Variants in HIVEP3 observed in about 807,000 individuals in gnomAD.
HIVEP3 encodes HIVEP zinc finger 3.
In HIVEP3, 49 loss-of-function variants were observed where a neutral mutation model predicts 152.8. The observed-to-expected ratio is 0.32, with a 90% confidence interval of 0.26 to 0.41. The LOEUF is 0.41. HIVEP3 is among the 10% of genes least tolerant of loss of function. HIVEP3 has a pLI of 1.00. For synonymous variants in HIVEP3, 1,269 were observed against 1,289.0 expected (o/e 0.98, Z 0.33); for missense variants, 2,790 against 3,103.3 (o/e 0.90, Z 2.40).
At chr1:41,666,378 C>G (rs528463138) in intron 2 of HIVEP3, among the ~76,000 whole-genome samples, 1 of 152,168 alleles carries the variant, frequency 6.6e-6, no homozygotes, top group Admixed American at 6.5e-5. Flanking sequence ...CTTGGAGCCA[C>G]ATAGACCTGG....
intron 1 of HIVEP3, among the ~76,000 whole-genome samples, chr1:41,750,376 C>A (rs187930038): frequency 6.6e-6 from 1 of 152,308 alleles, no homozygotes. Flanking sequence ...GACTGGAGTC[C>A]AAAATTCCAT....
At chr1:41,639,335 T>G (rs1250220874) in intron 2 of HIVEP3, among the ~76,000 whole-genome samples, 1 of 152,078 alleles carries the variant, frequency 6.6e-6, no homozygotes, top group African/African-American at 2.4e-5. Flanking sequence ...AGAAGTAGCA[T>G]GGTATAGCAT....
chr1:41,535,064 T>C (rs549043773), intron 5 of HIVEP3, among the ~76,000 whole-genome samples: 138 of 152,246 alleles, frequency 9.1e-4, no homozygotes, highest in Admixed American at 1.6e-3. Flanking sequence ...GTCCCCATTG[T>C]ATAGAAAAGG....
At chr1:41,681,068 A>G (rs1646030852) in intron 2 of HIVEP3, among the ~76,000 whole-genome samples, 1 of 151,384 alleles carries the variant, frequency 6.6e-6, no homozygotes, top group South Asian at 2.1e-4. Context: ...AGCTCTTATC[A>G]TTCCCCAGAA....
chr1:41,883,334 A>G (rs922662589), intron 1 of HIVEP3, among the ~76,000 whole-genome samples: 1 of 152,084 alleles, frequency 6.6e-6, no homozygotes, highest in Non-Finnish European at 1.5e-5. Context: ...CGGCCTGGAC[A>G]ATCAGACTGC....
At chr1:41,787,535 C>CTTTTTTTT (rs200281948) in intron 1 of HIVEP3, among the ~76,000 whole-genome samples, 1 of 122,844 alleles carries the variant, frequency 8.1e-6, no homozygotes, top group Non-Finnish European at 1.7e-5. Context: ...TTCTTTCTTT[C>CTTTTTTTT]TTTTTTTTTT....
At chr1:41,538,282 G>A (rs1643447390) in intron 5 of HIVEP3, among the ~76,000 whole-genome samples, 1 of 152,126 alleles carries the variant, frequency 6.6e-6, no homozygotes, top group East Asian at 1.9e-4. Context: ...TATTGTGACT[G>A]TAGAGAGCCC....
intron 5 of HIVEP3, among the ~76,000 whole-genome samples, chr1:41,549,841 G>C (rs1317078168): frequency 2.0e-5 from 3 of 152,114 alleles, no homozygotes; most frequent in African/African-American, 7.2e-5. Flanking sequence ...TCACTCTGAT[G>C]GTAGTTTCTT....
chr1:41,560,415 GCAGAGTAC>G (rs1644041880), intron 5 of HIVEP3, among the ~76,000 whole-genome samples: 3 of 152,146 alleles, frequency 2.0e-5, no homozygotes, highest in African/African-American at 4.8e-5. Flanking sequence ...GGGGTTGGGG[GCAGAGTAC>G]CAGGCCCTGG....
At chr1:41,929,635 A>G (rs1312950020) in intron 1 of HIVEP3, among the ~76,000 whole-genome samples, 1 of 151,382 alleles carries the variant, frequency 6.6e-6, no homozygotes, top group East Asian at 1.9e-4. Context: ...AGACAGAGCT[A>G]GGAAACATAT....
chr1:41,671,467 C>G (rs1570276176), intron 2 of HIVEP3, among the ~76,000 whole-genome samples: 1 of 152,360 alleles, frequency 6.6e-6, no homozygotes, highest in East Asian at 1.9e-4. Flanking sequence ...CAGATCAGAG[C>G]TGACCAATAG....
At chr1:41,571,822 A>G (rs943694414) in intron 5 of HIVEP3, among the ~76,000 whole-genome samples, 2 of 152,190 alleles carry the variant, frequency 1.3e-5, no homozygotes, top group African/African-American at 4.8e-5. Context: ...CTGAGTTTAA[A>G]CTGGATCCTG....
intron 1 of HIVEP3, among the ~76,000 whole-genome samples, chr1:41,974,486 TACACACACAC>T (rs66882363): frequency 1.5e-5 from 2 of 134,198 alleles, no homozygotes; most frequent in African/African-American, 5.8e-5. Flanking sequence ...CTCCACCCCC[TACACACACAC>T]ACACACACAC....
Position 41,582,378 on chromosome 1 carries a change from T to C in HIVEP3, c.2420A>G (p.Glu807Gly), listed in dbSNP as rs764422733. The C allele has an allele frequency of 8.7e-6, 14 of 1,614,208 alleles. No individual in the cohort carries two copies. Among genetic ancestry groups the C allele is most frequent in the Non-Finnish European group, 1.2e-5 (14 of 1,180,022 alleles). Residue 807 changes from glutamate (E) to glycine (G), a missense_variant, in exon 4 of 9, where the codon GAG (glutamate) becomes GGG (glycine). Around this residue, in one of 9 missense-constraint regions of HIVEP3, gnomAD observed 1,078 missense variants for 1,165.3 expected, o/e 0.93. Transcript: ENST00000372583. The surrounding 1 kb of genome is among the most constrained non-coding windows in gnomAD (Gnocchi z 4.7). ...ISVIQHTSSF[E>G]KSDSLEQPSG... ...CGGCTGCTCGAGAGAATCAGATTTC[T>C]CAAAGGAGCTGGTGTGCTGGATGAC...
intron 1 of HIVEP3, among the ~76,000 whole-genome samples, chr1:41,878,857 C>T (rs1475943221): frequency 6.8e-6 from 1 of 147,852 alleles, no homozygotes; most frequent in African/African-American, 2.5e-5. Flanking sequence ...GCCCTCTCTT[C>T]TTCCCTCCCT....
At chr1:41,942,446 C>A (rs1011024048) in intron 1 of HIVEP3, among the ~76,000 whole-genome samples, 1 of 152,198 alleles carries the variant, frequency 6.6e-6, no homozygotes, top group Non-Finnish European at 1.5e-5. Flanking sequence ...ATGCAAGAAT[C>A]CAAAAGTTTG....
intron 2 of HIVEP3, among the ~76,000 whole-genome samples, chr1:41,636,168 C>T (rs1045464028): frequency 9.2e-5 from 14 of 152,090 alleles, no homozygotes; most frequent in Admixed American, 3.9e-4. Flanking sequence ...AGATGAGTAA[C>T]AAACAAATCC....
At chr1:41,790,103 C>A (rs144694525) in intron 1 of HIVEP3, among the ~76,000 whole-genome samples, 1 of 152,154 alleles carries the variant, frequency 6.6e-6, no homozygotes, top group Admixed American at 6.5e-5. Flanking sequence ...TTCTTAACTG[C>A]GTGCTATGAT....
chr1:41,513,441 C>T lies in HIVEP3; in HGVS notation c.5780G>A (p.Ser1927Asn), dbSNP rs1308949204. 2.5e-6 allele frequency: 4 copies of T among 1,612,186 alleles called. No homozygotes were observed. Among genetic ancestry groups the T allele is most frequent in the Non-Finnish European group, 3.4e-6 (4 of 1,179,700 alleles). The change falls in exon 8 of 9, where the codon AGC (serine) becomes AAC (asparagine). Residue 1927 changes from serine to asparagine, a missense_variant. This residue lies in a region of HIVEP3 where 816 missense variants were observed against 806.5 expected (regional missense o/e 1.01). Coordinates refer to ENST00000372583, the MANE Select transcript of HIVEP3 (RefSeq NM_024503.5). ...SVSEAERLTA[S>N]SCSMSSQSMP... ...GCTCTGGCTGGACATGGAGCAGCTG[C>T]TGGCTGTCAGGCGCTCAGCTTCCGA...
Sources: allele counts gnomAD v4.1 joint callset (sites outside exome capture counted in the v4.1 genomes callset), GRCh38; gene constraint gnomAD v4.1.1; regional missense constraint gnomAD v4.1.1; non-coding constraint Gnocchi (gnomAD v3.1); transcripts MANE v1.5; gene names NCBI Gene and HGNC (gene_info 2026-07-23, HGNC 2026-07-21).